MRPL1: variants seen among roughly 807,000 people sequenced by gnomAD.
MRPL1 encodes the protein large ribosomal subunit protein uL1m.
Under a neutral mutation model 38.0 loss-of-function variants are expected in MRPL1, and 28 were observed. That is an observed-to-expected ratio of 0.74 (90% CI 0.55 to 1.01). MRPL1 has a LOEUF of 1.01. Ranked by LOEUF, MRPL1 falls within the 50% of genes least tolerant of loss-of-function variation. The probability of loss-of-function intolerance (pLI) is 0.00; values close to 1 mark genes in which losing one functional copy is unlikely to be tolerated. For synonymous variants in MRPL1, 123 were observed against 126.7 expected (o/e 0.97, Z 0.20); for missense variants, 358 against 389.8 (o/e 0.92, Z 0.69).
Position 77,892,102 on chromosome 4 carries a change from G to A in MRPL1, c.559-2037G>A, listed in dbSNP as rs138176118. On this transcript the variant is annotated intron_variant, in intron 5 of 8. Coordinates refer to ENST00000315567, the MANE Select transcript of MRPL1 (RefSeq NM_020236.4). ...TTTGCTTAGCTCTATAAAATGCCAA[G>A]TAGGATAAATTTATGTAGTCATTTC... 5.4e-3 allele frequency among the ~76,000 whole-genome samples: 814 copies of A among 151,424 alleles called. 7 individuals are homozygous for A. Among genetic ancestry groups the A allele is most frequent in the African/African-American group, 0.019 (765 of 41,270 alleles).
rs578007776 is a variant in MRPL1, at chr4:77,919,240, G to GT, written c.777+9877dup. Among the ~76,000 whole-genome samples the GT allele has an allele frequency of 2.5e-3, 373 of 149,992 alleles. 3 individuals are homozygous for GT. The highest frequency in any genetic ancestry group is 8.2e-3 in the African/African-American group (336 of 40,876). On this transcript the variant is annotated intron_variant, in intron 7 of 8. Coordinates refer to ENST00000315567, the MANE Select transcript of MRPL1 (RefSeq NM_020236.4). ...CTGTGAGGCTCTCAGAACTTGCTTT[G>GT]TTTTTTTTTCACTGTTAGATTTCTT... is the stretch of plus-strand genomic sequence containing the variant.
At chr4:77,885,374 AT>A (rs762816277) in intron 4 of MRPL1, 35 bp downstream of exon 4, 7,299 of 1,251,512 alleles carry the variant, frequency 5.8e-3, no homozygotes, top group Non-Finnish European at 6.3e-3. Context: ...ATATCATTTA[AT>A]TTTTTTTTTT....
intron 4 of MRPL1, 52 bp downstream of exon 4, chr4:77,885,391 G>T: frequency 1.6e-5 from 22 of 1,364,226 alleles, no homozygotes; most frequent in Non-Finnish European, 2.2e-5. Flanking sequence ...TTTTTGAGAC[G>T]GAGTCTCACT....
intron 6 of MRPL1, among the ~76,000 whole-genome samples, chr4:77,903,977 C>T (rs1189046460): frequency 6.6e-6 from 1 of 151,934 alleles, no homozygotes; most frequent in African/African-American, 2.4e-5. Context: ...CGCAGTGGCA[C>T]ACTCACACCT....
intron 7 of MRPL1, among the ~76,000 whole-genome samples, chr4:77,927,790 AGC>A (rs1402861471): frequency 5.3e-5 from 8 of 152,168 alleles, no homozygotes; most frequent in African/African-American, 1.7e-4. Context: ...AAAAAACTAT[AGC>A]CATATTACAA....
intron 7 of MRPL1, among the ~76,000 whole-genome samples, chr4:77,928,045 G>A (rs935318861): frequency 1.3e-5 from 2 of 152,198 alleles, no homozygotes; most frequent in African/African-American, 4.8e-5. Flanking sequence ...TCTTTTTAAA[G>A]TGTAGACATG....
At chr4:77,898,535 A>G (rs1735967625) in intron 6 of MRPL1, among the ~76,000 whole-genome samples, 1 of 151,916 alleles carries the variant, frequency 6.6e-6, no homozygotes, top group South Asian at 2.1e-4. Context: ...TCTGTTGCCC[A>G]GGCTGGAGCG....
intron 7 of MRPL1, among the ~76,000 whole-genome samples, chr4:77,913,532 T>A (rs1011661309): frequency 2.0e-5 from 3 of 152,196 alleles, no homozygotes; most frequent in African/African-American, 7.2e-5. Flanking sequence ...TGAGCACTCT[T>A]ACAGCGTTTG....
rs1262114824 is a variant in MRPL1 at position 77,892,034 on chromosome 4, G to A, written c.559-2105G>A. On this transcript the variant is annotated intron_variant, in intron 5 of 8. Transcript: ENST00000315567. ...CAGTTTAGTAAATAATATTATGGCT[G>A]CAATTTTTTATACATTCCTGTGTTT... 2.0e-5 allele frequency among the ~76,000 whole-genome samples: 3 copies of A among 152,096 alleles called. No homozygotes were observed. The East Asian group carries it at 5.8e-4, about 29-fold the overall frequency.
At chr4:77,898,604 C>T (rs1403966179) in intron 6 of MRPL1, among the ~76,000 whole-genome samples, 1 of 151,902 alleles carries the variant, frequency 6.6e-6, no homozygotes, top group East Asian at 1.9e-4. Flanking sequence ...AATTCTCCTG[C>T]CTCAGCCTCC....
In MRPL1 at chr4:77,871,864, T is replaced by A; in HGVS notation, c.143+9T>A. ...TTTGCTGCTGCTACAAAGTAAGTAT[T>A]TTTTTTTAGTTATTATTTCATTTGT... On this transcript the variant is annotated intron_variant, in intron 2 of 8. Coordinates refer to ENST00000315567, the MANE Select transcript of MRPL1 (RefSeq NM_020236.4). 2.0e-6 allele frequency: 3 copies of A among 1,516,108 alleles called. No individual in the cohort carries two copies. The highest frequency in any genetic ancestry group is 2.7e-6 in the Non-Finnish European group (3 of 1,105,594). 93.9% of individuals were successfully genotyped at this position (1,516,108 alleles called of 1,614,324 possible).
chr4:77,883,177 C>CTT (rs1342772014), intron 2 of MRPL1, 65 bp from the exon 3 acceptor site: 4 of 1,073,018 alleles, frequency 3.7e-6, no homozygotes, highest in Admixed American at 3.2e-5. Context: ...TGTACACTGG[C>CTT]TTTTTTTTTA....
intron 5 of MRPL1, 137 bp downstream of exon 5, chr4:77,887,428 A>G (rs561166087): frequency 2.1e-4 from 156 of 732,460 alleles, no homozygotes; most frequent in South Asian, 1.7e-3. Flanking sequence ...AGCAGGAAAA[A>G]AATTTCCAAC....
At position 77,862,888 on chromosome 4, in the gene MRPL1, A is replaced by G. The variant is rs761552754; in HGVS notation, c.31+9A>G. On this transcript the variant is annotated intron_variant, in intron 1 of 8. Transcript: ENST00000315567. ...AAGGTGCATGGGTAGAGGTAAGGCG[A>G]GGGGTTGTCTTGCAGGGGAAATGGC... 4 of 1,614,010 alleles carry G rather than the reference A, an allele frequency of 2.5e-6. No individual in the cohort carries two copies. The highest frequency in any genetic ancestry group is 3.4e-6 in the Non-Finnish European group (4 of 1,179,962).
chr4:77,905,348 T>G (rs945713061), intron 6 of MRPL1, among the ~76,000 whole-genome samples: 1 of 151,518 alleles, frequency 6.6e-6, no homozygotes, highest in Non-Finnish European at 1.5e-5. Flanking sequence ...AATACAAAAA[T>G]TAGCTGGATA....
At chr4:77,891,264 G>A (rs1735797812) in intron 5 of MRPL1, among the ~76,000 whole-genome samples, 1 of 147,720 alleles carries the variant, frequency 6.8e-6, no homozygotes, top group African/African-American at 2.4e-5. Context: ...TCTTGAGTTT[G>A]TATACAGCTT....
At chr4:77,940,251 C>T (rs955454834) in intron 7 of MRPL1, among the ~76,000 whole-genome samples, 2 of 151,988 alleles carry the variant, frequency 1.3e-5, no homozygotes, top group African/African-American at 4.8e-5. Flanking sequence ...TTGTAGAGGT[C>T]TTTTACCTCT....
intron 6 of MRPL1, among the ~76,000 whole-genome samples, chr4:77,904,108 G>A (rs1229467880): frequency 1.3e-5 from 2 of 151,502 alleles, no homozygotes; most frequent in Non-Finnish European, 2.9e-5. Context: ...TCTACTGGGT[G>A]TGGTGGCATG....
intron 6 of MRPL1, among the ~76,000 whole-genome samples, chr4:77,895,434 AT>A (rs1233251675): frequency 6.6e-6 from 1 of 152,126 alleles, no homozygotes; most frequent in Non-Finnish European, 1.5e-5. Flanking sequence ...AATAAGTGTT[AT>A]CATTAATGGA....
Sources: gnomAD v4.1 joint callset for allele counts (sites outside exome capture counted in the v4.1 genomes callset) on GRCh38, gnomAD v4.1.1 for gene constraint, MANE v1.5 for transcripts, NCBI Gene and HGNC (gene_info 2026-07-23, HGNC 2026-07-21) for gene names.